AP1S3: variants seen among roughly 807,000 people sequenced by gnomAD.
AP1S3 encodes AP-1 complex subunit sigma-3.
In AP1S3, 10 loss-of-function variants were observed where a neutral mutation model predicts 20.9. The ratio of observed to expected loss-of-function variants is 0.48; its 90% confidence interval spans 0.29 to 0.81. The LOEUF (loss-of-function observed/expected upper bound fraction) is 0.81, where lower values mean the gene tolerates loss of function less well. Among genes scored for constraint, AP1S3 ranks in the 30% least tolerant of loss-of-function variants. AP1S3 has a pLI of 0.08. For missense variants in AP1S3, 154 were observed against 183.8 expected (o/e 0.84, Z 0.94); for synonymous variants, 41 against 61.5 (o/e 0.67, Z 1.56).
intron 1 of AP1S3, among the ~76,000 whole-genome samples, chr2:223,814,024 C>T (rs1387134580): frequency 6.6e-6 from 1 of 152,196 alleles, no homozygotes; most frequent in Non-Finnish European, 1.5e-5. Flanking sequence ...TTATAAATGA[C>T]ACATTCATTA....
chr2:223,781,202 C>T (rs867026918), intron 1 of AP1S3, among the ~76,000 whole-genome samples: 13 of 151,864 alleles, frequency 8.6e-5, no homozygotes, highest in African/African-American at 2.7e-4. Flanking sequence ...TTGATGGGCA[C>T]GGAGGTTGAT....
chr2:223,760,197 C>T (rs16865167), intron 4 of AP1S3, among the ~76,000 whole-genome samples: 19,248 of 151,972 alleles, frequency 0.13, 2,411 homozygotes, highest in African/African-American at 0.32. Context: ...TAAGAAAGCT[C>T]GAGAGGACAA....
intron 1 of AP1S3, among the ~76,000 whole-genome samples, chr2:223,823,460 A>G (rs1212394018): frequency 6.6e-6 from 1 of 152,234 alleles, no homozygotes; most frequent in Admixed American, 6.5e-5. Flanking sequence ...CCTGAAAGAC[A>G]TTATATTAAG....
chr2:223,795,031 C>A (rs534205024), intron 1 of AP1S3, among the ~76,000 whole-genome samples: 1 of 152,136 alleles, frequency 6.6e-6, no homozygotes, highest in Non-Finnish European at 1.5e-5. Context: ...GGGCGGATAA[C>A]CTGAGGTCAG....
intron 3 of AP1S3, among the ~76,000 whole-genome samples, chr2:223,767,053 G>A (rs1313520557): frequency 6.6e-6 from 1 of 152,016 alleles, no homozygotes; most frequent in East Asian, 1.9e-4. Flanking sequence ...GGAGTGTGTT[G>A]GGGGGTGGGG....
At chr2:223,801,141 G>A (rs533932072) in intron 1 of AP1S3, among the ~76,000 whole-genome samples, 8 of 152,272 alleles carry the variant, frequency 5.3e-5, no homozygotes, top group Admixed American at 2.0e-4. Context: ...TAGGGCATGC[G>A]TCAGACACCA....
At chr2:223,814,831 C>A (rs1016906237) in intron 1 of AP1S3, among the ~76,000 whole-genome samples, 1 of 152,168 alleles carries the variant, frequency 6.6e-6, no homozygotes, top group Admixed American at 6.5e-5. Context: ...GGCTGGTGTA[C>A]AATGGCACGA....
intron 1 of AP1S3, among the ~76,000 whole-genome samples, chr2:223,831,458 G>A (rs2106042041): frequency 6.6e-6 from 1 of 152,284 alleles, no homozygotes; most frequent in South Asian, 2.1e-4. Flanking sequence ...CTTAGTCAGG[G>A]TGCTGGCTGG....
intron 1 of AP1S3, among the ~76,000 whole-genome samples, chr2:223,833,354 A>C (rs1345104815): frequency 1.3e-5 from 2 of 152,142 alleles, no homozygotes; most frequent in Non-Finnish European, 2.9e-5. Context: ...TTTTAAACAC[A>C]CTGGGCTCAG....
In AP1S3 at chr2:223,757,036, C is replaced by G. The variant is rs937779476; in HGVS notation, c.*1679G>C. On this transcript the variant is annotated 3_prime_UTR_variant, in exon 5 of 5. Coordinates refer to ENST00000396654, the MANE Select transcript of AP1S3 (RefSeq NM_001039569.2). The stretch of plus-strand genomic sequence containing the variant: ...GACGCAGTCTTGCTCTGTCACCCGC[C>G]TGGAGTGCACTGGTATGACCTTGGC... The G allele has an allele frequency of 7.2e-6, 7 of 972,554 alleles. No individual in the cohort carries two copies. The African/African-American group carries it at 1.2e-4, about 17-fold the overall frequency. The allele number at this position is 972,554 out of a possible 1,614,324, so 60.2% of individuals were successfully genotyped here.
chr2:223,790,766 T>C (rs1021233759), intron 1 of AP1S3, among the ~76,000 whole-genome samples: 8 of 152,198 alleles, frequency 5.3e-5, no homozygotes, highest in African/African-American at 1.9e-4. Flanking sequence ...AATCTGTGTG[T>C]GTGTGTTGTG....
chr2:223,777,479 T>C (rs1690812679), intron 2 of AP1S3, among the ~76,000 whole-genome samples: 1 of 152,246 alleles, frequency 6.6e-6, no homozygotes, highest in Non-Finnish European at 1.5e-5. Flanking sequence ...TATCAAGGTG[T>C]AGTTTATTTA....
In AP1S3 at chr2:223,757,508, G is replaced by C. The variant is rs1054065622; in HGVS notation, c.*1207C>G. The C allele has an allele frequency of 1.3e-6, 1 of 788,884 alleles. No homozygotes were observed. The highest frequency in any genetic ancestry group is 1.9e-5 in the African/African-American group (1 of 52,702). The allele number at this position is 788,884 out of a possible 1,614,324, so 48.9% of individuals were successfully genotyped here. A position where few individuals can be genotyped will look rare whatever the true frequency, so the allele number is the denominator to read the frequency against. ...TCATCATATTGGCCAGGCTGCTCTC[G>C]AACTCCTGACCTCAAGTGATCCACC... On this transcript the variant is annotated 3_prime_UTR_variant, in exon 5 of 5. Coordinates refer to ENST00000396654, the MANE Select transcript of AP1S3 (RefSeq NM_001039569.2).
At chr2:223,776,046 T>C (rs773343217) in intron 2 of AP1S3, 37 bp from the exon 3 acceptor site, 7 of 1,525,748 alleles carry the variant, frequency 4.6e-6, no homozygotes, top group African/African-American at 1.4e-5. Flanking sequence ...AATATGACAA[T>C]ACATTAAGCA....
chr2:223,833,882 T>TTTATTTATTTA (rs1692334934), intron 1 of AP1S3, among the ~76,000 whole-genome samples: 2 of 145,940 alleles, frequency 1.4e-5, no homozygotes, highest in East Asian at 2.0e-4. Flanking sequence ...TTTACACTCT[T>TTTATTTATTTA]TTTATTTATT....
At chr2:223,759,717 G>C (rs1403715358) in intron 4 of AP1S3, among the ~76,000 whole-genome samples, 1 of 152,114 alleles carries the variant, frequency 6.6e-6, no homozygotes, top group African/African-American at 2.4e-5. Context: ...TCATCATCCA[G>C]GTATTAAGCC....
intron 1 of AP1S3, among the ~76,000 whole-genome samples, chr2:223,819,931 T>TA (rs35505776): frequency 5.7e-4 from 86 of 151,098 alleles, no homozygotes; most frequent in Non-Finnish European, 1.0e-3. Context: ...CTAGTTATGT[T>TA]AAAAAAAAAA....
intron 1 of AP1S3, among the ~76,000 whole-genome samples, chr2:223,820,729 G>A (rs1369008674): frequency 6.7e-6 from 1 of 150,360 alleles, no homozygotes; most frequent in Non-Finnish European, 1.5e-5. Context: ...ATGATAAGGA[G>A]AAAATTTCCT....
chr2:223,819,216 G>A (rs1444191739), intron 1 of AP1S3, among the ~76,000 whole-genome samples: 1 of 152,178 alleles, frequency 6.6e-6, no homozygotes, highest in Non-Finnish European at 1.5e-5. Context: ...ATAGCAATCA[G>A]CTATGTGCAG....
Sources: allele counts gnomAD v4.1 joint callset (sites outside exome capture counted in the v4.1 genomes callset), GRCh38; gene constraint gnomAD v4.1.1; transcripts MANE v1.5; gene names NCBI Gene and HGNC (gene_info 2026-07-23, HGNC 2026-07-21).